The following AFF4 variants were observed in gnomAD, a reference collection of about 807,000 sequenced individuals.
AFF4 encodes the protein AF4/FMR2 family member 4.
In AFF4, 13 loss-of-function variants were observed where a neutral mutation model predicts 124.8. The ratio of observed to expected loss-of-function variants is 0.10; its 90% CI spans 0.07 to 0.17. AFF4 has a LOEUF of 0.17. Among genes scored for constraint, AFF4 ranks in the 10% least tolerant of loss-of-function variants. AFF4 has a pLI of 1.00. For synonymous variants in AFF4, 477 were observed against 496.1 expected (o/e 0.96, Z 0.51); for missense variants, 1,092 against 1,403.8 (o/e 0.78, Z 3.55).
intron 1 of AFF4, among the ~76,000 whole-genome samples, chr5:132,946,965 G>A (rs549417444): frequency 9.2e-5 from 14 of 152,244 alleles, no homozygotes; most frequent in South Asian, 4.1e-4. Context: ...GTGGAGGCAC[G>A]AGAATCGCTT....
Position 132,963,583 on chromosome 5 carries a change from C to G in AFF4, c.-329G>C, listed in dbSNP as rs1222316599. The G allele has an allele frequency of 5.0e-6, 2 of 397,676 alleles. No individual in the cohort carries two copies. Among genetic ancestry groups the G allele is most frequent in the Non-Finnish European group, 8.9e-6 (2 of 225,528 alleles). The allele number at this position is 397,676 out of a possible 1,614,324, so 24.6% of individuals were successfully genotyped here. ...CTGGCACCAGGATCCCCGCCCCGTC[C>G]GCTGGCGGCGGCGACGGCAGCTGGA... On this transcript the variant is annotated 5_prime_UTR_variant, in exon 1 of 21. Transcript: ENST00000265343.
chr5:132,915,290 G>A (rs1051651180), intron 5 of AFF4, among the ~76,000 whole-genome samples: 5 of 150,916 alleles, frequency 3.3e-5, no homozygotes, highest in Admixed American at 2.0e-4. Flanking sequence ...GCAGTGAGCC[G>A]AGATCACACC....
intron 1 of AFF4, among the ~76,000 whole-genome samples, chr5:132,961,766 T>C (rs1325898414): frequency 6.6e-6 from 1 of 152,190 alleles, no homozygotes; most frequent in African/African-American, 2.4e-5. Flanking sequence ...CAAAATTTTA[T>C]TTAAAGTAAA....
chr5:132,887,597 TG>T lies in AFF4; in HGVS notation c.2934-6del. On this transcript the variant is annotated splice_polypyrimidine_tract_variant and splice_region_variant and intron_variant, in intron 16 of 20. Transcript: ENST00000265343. ...TTCTTTAGCTTCATAGTGTATCTGT[TG>T]AGTTACAATAACAAACAAATGACAA... 6.2e-7 allele frequency: 1 copy of T among 1,610,108 alleles called. No homozygotes were observed. The highest frequency in any genetic ancestry group is 1.3e-5 in the African/African-American group (1 of 74,990).
intron 1 of AFF4, among the ~76,000 whole-genome samples, chr5:132,957,502 G>A (rs1761989971): frequency 6.6e-6 from 1 of 152,062 alleles, no homozygotes; most frequent in African/African-American, 2.4e-5. Context: ...GGAGGCCGAG[G>A]CAGGCAGATC....
chr5:132,955,777 C>T (rs1176263114), intron 1 of AFF4, among the ~76,000 whole-genome samples: 1 of 71,286 alleles, frequency 1.4e-5, no homozygotes, highest in Non-Finnish European at 2.7e-5. Flanking sequence ...GATTCCATCT[C>T]AAAAAAAAAA....
chr5:132,946,568 A>C (rs1368984406), intron 1 of AFF4, among the ~76,000 whole-genome samples: 1 of 152,242 alleles, frequency 6.6e-6, no homozygotes, highest in Admixed American at 6.5e-5. Context: ...ATGTGAAATA[A>C]GTCAGACACA....
intron 4 of AFF4, chr5:132,927,441 T>C (rs1271717285): frequency 2.5e-6 from 1 of 403,058 alleles, no homozygotes; most frequent in African/African-American, 2.1e-5. Flanking sequence ...TTATGAAACC[T>C]GTGAATAGTT....
rs149207530 is a variant in AFF4, at chr5:132,905,350, A to C, written c.1051-946T>G. Among the ~76,000 whole-genome samples, 95 of 152,352 alleles carry C rather than the reference A, an allele frequency of 6.2e-4. 1 individual carries two copies. Among genetic ancestry groups the C allele is most frequent in the Middle Eastern group, 3.4e-3 (1 of 294 alleles). ...GCAAACTATGCATTTCTCAAAATTA[A>C]ATCTGGATACAAGATGTAGCACTAA... On this transcript the variant is annotated intron_variant, in intron 5 of 20. Transcript: ENST00000265343.
At chr5:132,945,867 C>T (rs1761686201) in intron 1 of AFF4, among the ~76,000 whole-genome samples, 2 of 152,086 alleles carry the variant, frequency 1.3e-5, no homozygotes, top group African/African-American at 4.8e-5. Context: ...TTGAGACTAG[C>T]CTGACCAACA....
intron 11 of AFF4, among the ~76,000 whole-genome samples, chr5:132,895,672 T>A (rs937624497): frequency 6.6e-6 from 1 of 152,240 alleles, no homozygotes; most frequent in Non-Finnish European, 1.5e-5. Flanking sequence ...TCTCTATATA[T>A]GTAGTGATTC....
chr5:132,932,122 G>T, intron 4 of AFF4, 56 bp downstream of exon 4: 1 of 1,307,686 alleles, frequency 7.6e-7, no homozygotes, highest in Non-Finnish European at 1.1e-6. Context: ...AGGGTAAGAA[G>T]GTGGCAGAGC....
chr5:132,947,859 G>C (rs1218639530), intron 1 of AFF4, among the ~76,000 whole-genome samples: 2 of 152,180 alleles, frequency 1.3e-5, no homozygotes, highest in African/African-American at 4.8e-5. Flanking sequence ...ATTTAGCACA[G>C]AAGGACCTTT....
chr5:132,960,274 A>ATTTC (rs987909117), intron 1 of AFF4, among the ~76,000 whole-genome samples: 23 of 152,232 alleles, frequency 1.5e-4, no homozygotes, highest in Admixed American at 7.9e-4. Context: ...CCTTTATATC[A>ATTTC]TATAGAAAAG....
At chr5:132,902,100 T>C (rs958621153) in intron 7 of AFF4, among the ~76,000 whole-genome samples, 2 of 152,168 alleles carry the variant, frequency 1.3e-5, no homozygotes, top group East Asian at 1.9e-4. Context: ...CAGGCTGGAG[T>C]GAAGTGGCAC....
chr5:132,936,027 G>C (rs1761420619), intron 2 of AFF4, among the ~76,000 whole-genome samples: 2 of 151,970 alleles, frequency 1.3e-5, no homozygotes, highest in African/African-American at 4.8e-5. Context: ...CAGCACTTTG[G>C]GAGGCTGAGG....
At chr5:132,926,511 A>G (rs1004004821) in intron 5 of AFF4, among the ~76,000 whole-genome samples, 3 of 151,384 alleles carry the variant, frequency 2.0e-5, no homozygotes, top group Non-Finnish European at 4.4e-5. Flanking sequence ...CTACAATACC[A>G]TAATAGTCTG....
Position 132,899,101 on chromosome 5 carries a change from C to T in AFF4, c.1226+3G>A. On this transcript the variant is annotated splice_donor_region_variant and intron_variant, in intron 9 of 20. Transcript: ENST00000265343. ...ATAAAACAGAAAAGAAAAGGATGCCCACCTTCCTGGTGTACTCCTCGGCAT... is the reference window on the plus strand; with the variant it reads ...ATAAAACAGAAAAGAAAAGGATGCCTACCTTCCTGGTGTACTCCTCGGCAT... The T allele has an allele frequency of 1.2e-6, 2 of 1,613,068 alleles. No individual in the cohort carries two copies. The highest frequency in any genetic ancestry group is 1.7e-6 in the Non-Finnish European group (2 of 1,179,292).
rs762399001 is a variant in AFF4, at chr5:132,959,787, C to T, written c.-5+3472G>A. Among the ~76,000 whole-genome samples the T allele has an allele frequency of 3.1e-4, 27 of 87,942 alleles. 1 individual carries two copies. Among genetic ancestry groups the T allele is most frequent in the Non-Finnish European group, 4.7e-4 (24 of 51,216 alleles). The allele number at this position is 87,942 out of a possible 152,430, so 57.7% of individuals were successfully genotyped here. ...TTTTTTTTTTTTTTTTTTTTTGAGA[C>T]GGAGTCTCGCTCTGTTGCCCAGGCT... On this transcript the variant is annotated intron_variant, in intron 1 of 20. Coordinates refer to ENST00000265343, the MANE Select transcript of AFF4 (RefSeq NM_014423.4).
Sources: gnomAD v4.1 joint callset for allele counts (sites outside exome capture counted in the v4.1 genomes callset) on GRCh38, gnomAD v4.1.1 for gene constraint, MANE v1.5 for transcripts, NCBI Gene and HGNC (gene_info 2026-07-23, HGNC 2026-07-21) for gene names.